FANK1: variants seen among roughly 807,000 people sequenced by gnomAD.
The protein encoded by FANK1 is fibronectin type III and ankyrin repeat domains 1, also known as fibronectin type 3 and ankyrin repeat domains protein 1.
FANK1 carries 44 observed loss-of-function variants against 45.3 expected under a neutral mutation model. That is an observed-to-expected ratio of 0.97 (90% CI 0.76 to 1.25). The LOEUF is 1.25. Among genes scored for constraint, FANK1 ranks in the 50% most tolerant of loss-of-function variants. The probability of loss-of-function intolerance (pLI) is 0.00; values close to 1 mark genes in which losing one functional copy is unlikely to be tolerated. For missense variants in FANK1, 391 were observed against 424.4 expected, an observed-to-expected ratio of 0.92 and a Z score of 0.69; for synonymous variants, 149 against 152.5, an observed-to-expected ratio of 0.98 and a Z score of 0.17.
intron 1 of FANK1, among the ~76,000 whole-genome samples, chr10:125,913,007 A>G (rs1323344907): frequency 6.6e-6 from 1 of 152,250 alleles, no homozygotes; most frequent in Non-Finnish European, 1.5e-5. Flanking sequence ...AGAAACCACA[A>G]AATTATGTAT....
intron 1 of FANK1, among the ~76,000 whole-genome samples, chr10:125,960,604 G>A (rs144936608): frequency 0.015 from 2,273 of 152,334 alleles, 24 homozygotes; most frequent in Non-Finnish European, 0.024. Context: ...TTGGCTCACT[G>A]CAAGCTCCAC....
At chr10:125,921,313 T>C (rs191894245) in intron 1 of FANK1, among the ~76,000 whole-genome samples, 1 of 152,376 alleles carries the variant, frequency 6.6e-6, no homozygotes, top group Admixed American at 6.5e-5. Flanking sequence ...TCGTTCAGGC[T>C]GTAGCCTTTG....
chr10:125,905,363 A>G (rs2134106807), intron 1 of FANK1, among the ~76,000 whole-genome samples: 1 of 152,312 alleles, frequency 6.6e-6, no homozygotes, highest in African/African-American at 2.4e-5. Context: ...TGAAGAATTC[A>G]CCAGTGAAGC....
At chr10:125,919,390 G>T (rs1490330088) in intron 1 of FANK1, among the ~76,000 whole-genome samples, 2 of 151,688 alleles carry the variant, frequency 1.3e-5, no homozygotes, top group African/African-American at 4.8e-5. Flanking sequence ...ATTTTTAGTA[G>T]AGTTGGGGTT....
At chr10:125,899,749 A>G (rs1268005128) in intron 1 of FANK1, among the ~76,000 whole-genome samples, 1 of 152,188 alleles carries the variant, frequency 6.6e-6, no homozygotes, top group African/African-American at 2.4e-5. Flanking sequence ...TGTCAGCAAT[A>G]TTATGTTAAC....
At chr10:125,965,222 A>G (rs1950143088) in intron 1 of FANK1, among the ~76,000 whole-genome samples, 1 of 152,220 alleles carries the variant, frequency 6.6e-6, no homozygotes, top group Non-Finnish European at 1.5e-5. Context: ...TAATTGCATC[A>G]TTTTGATTTT....
intron 2 of FANK1, among the ~76,000 whole-genome samples, chr10:125,981,496 C>CAAA (rs60627576): frequency 9.4e-5 from 11 of 117,314 alleles, no homozygotes; most frequent in Admixed American, 1.8e-4. Flanking sequence ...GACCCTGTCT[C>CAAA]AAAAAAAAAA....
At chr10:125,989,187 A>C in intron 3 of FANK1, 1 of 1,110,586 alleles carries the variant, frequency 9.0e-7, no homozygotes, top group East Asian at 2.6e-5. Context: ...AGAGCCCCAC[A>C]TGGAGACCTC....
rs554725297 is a variant in FANK1, at chr10:125,945,669, G to A, written c.14-34492G>A. 2.6e-5 allele frequency among the ~76,000 whole-genome samples: 4 copies of A among 152,348 alleles called. No individual in the cohort carries two copies. In the East Asian group the frequency reaches 7.7e-4, roughly 29 times the overall value. ...CAAACTGCAAGGCGGCAGCGAGGCTGGGGGAGGGGTGCCTGCTATTGCCCA... is the reference window on the plus strand; with the variant it reads ...CAAACTGCAAGGCGGCAGCGAGGCTAGGGGAGGGGTGCCTGCTATTGCCCA... On this transcript the variant is annotated intron_variant, in intron 1 of 10. Transcript: ENST00000368693.
intron 3 of FANK1, among the ~76,000 whole-genome samples, chr10:125,989,702 G>A (rs1435367806): frequency 1.3e-5 from 2 of 152,218 alleles, no homozygotes; most frequent in Non-Finnish European, 2.9e-5. Flanking sequence ...AAGAGGGCTC[G>A]TTCCTTCATC....
At chr10:126,008,197 T>C (rs1297946758) in intron 7 of FANK1, among the ~76,000 whole-genome samples, 3 of 152,130 alleles carry the variant, frequency 2.0e-5, no homozygotes, top group Admixed American at 1.3e-4. Flanking sequence ...TTTTCCACTT[T>C]AAAGGATGTA....
chr10:125,914,756 C>G (rs141637864), intron 1 of FANK1, among the ~76,000 whole-genome samples: 1 of 152,112 alleles, frequency 6.6e-6, no homozygotes, highest in Admixed American at 6.6e-5. Flanking sequence ...AAGCTGTAGT[C>G]TCCTAGTTTG....
intron 1 of FANK1, among the ~76,000 whole-genome samples, chr10:125,934,723 CGTTTT>C (rs1947964724): frequency 1.7e-5 from 2 of 118,438 alleles, no homozygotes; most frequent in Non-Finnish European, 1.7e-5. Context: ...GTACCCCTAC[CGTTTT>C]TTTTTTTTTT....
chr10:125,926,865 G>A (rs1289615682), intron 1 of FANK1, among the ~76,000 whole-genome samples: 1 of 152,252 alleles, frequency 6.6e-6, no homozygotes, highest in Non-Finnish European at 1.5e-5. Context: ...TATTATGTTA[G>A]TCTCATACTT....
chr10:125,918,393 T>TAAAAATAC (rs1167866725), intron 1 of FANK1, among the ~76,000 whole-genome samples: 3 of 151,936 alleles, frequency 2.0e-5, no homozygotes, highest in Non-Finnish European at 4.4e-5. Flanking sequence ...CCGTCTCTAC[T>TAAAAATAC]AAAAATACAA....
chr10:125,906,572 GTGT>G lies in FANK1; in HGVS notation c.13+9920_13+9922del, dbSNP rs535093685. On this transcript the variant is annotated intron_variant, in intron 1 of 10. Transcript: ENST00000368693. ...CTTACCTCCTGGAAGTGTTTTACTAGTGTTGGTTTCTATTTGACATTAAACACT... is the reference window on the plus strand; with the variant it reads ...CTTACCTCCTGGAAGTGTTTTACTAGTGGTTTCTATTTGACATTAAACACT... 3.4e-3 allele frequency among the ~76,000 whole-genome samples: 498 copies of G among 145,074 alleles called. 2 individuals carry two copies. The highest frequency in any genetic ancestry group is 0.012 in the African/African-American group (484 of 39,280).
chr10:125,968,804 G>C (rs530893905), intron 1 of FANK1, among the ~76,000 whole-genome samples: 1 of 151,934 alleles, frequency 6.6e-6, no homozygotes, highest in Admixed American at 6.6e-5. Context: ...AGTTTTCTAC[G>C]TTCAAACCTA....
At position 125,996,695 on chromosome 10, in the gene FANK1, G is replaced by A. The variant is rs1952357818; in HGVS notation, c.473+71G>A. The stretch of plus-strand genomic sequence containing the variant: ...TTATTTTATTCAAAGGCTCTGGTCA[G>A]GATAAGGATGGGAGGAAAAAGGGCC... On this transcript the variant is annotated intron_variant, in intron 5 of 10. Coordinates refer to ENST00000368693, the MANE Select transcript of FANK1 (RefSeq NM_145235.5). 4.1e-6 allele frequency: 6 copies of A among 1,477,496 alleles called. No homozygotes were observed. The Admixed American group carries it at 9.5e-5, about 23-fold the overall frequency. 91.5% of individuals were successfully genotyped at this position (1,477,496 alleles called of 1,614,324 possible). A position where few individuals can be genotyped will look rare whatever the true frequency, so the allele number is the denominator to read the frequency against.
At chr10:125,955,648 CTT>C (rs1305829954) in intron 1 of FANK1, among the ~76,000 whole-genome samples, 1 of 152,062 alleles carries the variant, frequency 6.6e-6, no homozygotes, top group East Asian at 1.9e-4. Context: ...ACCCAGCTAA[CTT>C]TTGTCGCAGC....
Sources: gnomAD v4.1 joint callset for allele counts (sites outside exome capture counted in the v4.1 genomes callset) on GRCh38, gnomAD v4.1.1 for gene constraint, MANE v1.5 for transcripts, NCBI Gene and HGNC (gene_info 2026-07-23, HGNC 2026-07-21) for gene names.